The following SGCD variants were observed in gnomAD, a reference collection of about 807,000 sequenced individuals.
The protein encoded by SGCD is delta-sarcoglycan.
A neutral mutation model predicts 36.6 loss-of-function variants in SGCD; 18 were observed. The ratio of observed to expected loss-of-function variants is 0.49; its 90% CI spans 0.34 to 0.73. The LOEUF is 0.73. SGCD is among the 30% of genes least tolerant of loss of function. The pLI, the probability that SGCD is intolerant of heterozygous loss-of-function variation, is 0.01. For synonymous variants in SGCD, 133 were observed against 130.6 expected (o/e 1.02, Z -0.12); for missense variants, 387 against 346.7 (o/e 1.12, Z -0.92).
At chr5:156,015,574 A>G (rs1328341390) in intron 1 of SGCD, among the ~76,000 whole-genome samples, 1 of 151,946 alleles carries the variant, frequency 6.6e-6, no homozygotes, top group African/African-American at 2.4e-5. Context: ...TACCAGACAG[A>G]AAAAGGGTGC....
chr5:156,022,741 A>G (rs1759134133), intron 1 of SGCD, among the ~76,000 whole-genome samples: 1 of 152,062 alleles, frequency 6.6e-6, no homozygotes, highest in African/African-American at 2.4e-5. Context: ...TACAATATTC[A>G]TTGTCATTTT....
chr5:156,676,897 A>G (rs1403915639), intron 7 of SGCD, among the ~76,000 whole-genome samples: 1 of 152,228 alleles, frequency 6.6e-6, no homozygotes, highest in Non-Finnish European at 1.5e-5. Context: ...TGAGCAAGAC[A>G]GATGTGGTCC....
At chr5:156,077,723 A>G (rs180812272) in intron 1 of SGCD, among the ~76,000 whole-genome samples, 1 of 152,200 alleles carries the variant, frequency 6.6e-6, no homozygotes, top group Admixed American at 6.5e-5. Flanking sequence ...ACCCCTAGAT[A>G]ATCTCTCCTT....
chr5:156,422,076 C>T (rs1773334654), intron 3 of SGCD, among the ~76,000 whole-genome samples: 1 of 152,032 alleles, frequency 6.6e-6, no homozygotes, highest in African/African-American at 2.4e-5. Context: ...CACCCAGTAG[C>T]CAGGGTTGAT....
chr5:156,423,926 G>A (rs913828040), intron 3 of SGCD, among the ~76,000 whole-genome samples: 8 of 151,848 alleles, frequency 5.3e-5, no homozygotes, highest in Admixed American at 1.3e-4. Context: ...AACTATTATC[G>A]TCATCATCAT....
the SGCD span, among the ~76,000 whole-genome samples, chr5:155,748,474 C>T: frequency 6.6e-6 from 1 of 152,078 alleles, no homozygotes; most frequent in African/African-American, 2.4e-5. Context: ...AATTTTAGCA[C>T]ACATCAGAAT....
intron 3 of SGCD, among the ~76,000 whole-genome samples, chr5:156,219,814 T>C (rs966176933): frequency 6.6e-6 from 1 of 152,218 alleles, no homozygotes; most frequent in Non-Finnish European, 1.5e-5. Context: ...TGCTTCTGTG[T>C]AGCATTCAAA....
intron 4 of SGCD, among the ~76,000 whole-genome samples, chr5:156,569,643 A>G (rs1759638763): frequency 6.6e-6 from 1 of 152,040 alleles, no homozygotes; most frequent in Non-Finnish European, 1.5e-5. Flanking sequence ...CTTATAATAA[A>G]ATTCTAAGCC....
intron 1 of SGCD, among the ~76,000 whole-genome samples, chr5:155,941,936 G>A (rs553440118): frequency 6.6e-6 from 1 of 152,216 alleles, no homozygotes; most frequent in South Asian, 2.1e-4. Flanking sequence ...GAAGTAAAAG[G>A]CCTCCTAGTG....
At chr5:156,394,719 C>T (rs1010766344) in intron 3 of SGCD, among the ~76,000 whole-genome samples, 12 of 152,076 alleles carry the variant, frequency 7.9e-5, no homozygotes, top group African/African-American at 2.7e-4. Context: ...GAAATTAAAA[C>T]GTTTGTGTTT....
intron 3 of SGCD, among the ~76,000 whole-genome samples, chr5:156,279,673 A>AT (rs1766400492): frequency 2.0e-5 from 3 of 151,998 alleles, no homozygotes; most frequent in South Asian, 4.1e-4. Context: ...TCCTCGAGGC[A>AT]TTTTTTCTCT....
intron 3 of SGCD, among the ~76,000 whole-genome samples, chr5:156,482,795 G>A (rs558746986): frequency 7.8e-6 from 1 of 127,756 alleles, no homozygotes; most frequent in South Asian, 2.8e-4. Context: ...AGAGCAGGTA[G>A]TATTATCCTT....
intron 3 of SGCD, among the ~76,000 whole-genome samples, chr5:156,217,823 A>G (rs1764611511): frequency 6.6e-6 from 1 of 152,200 alleles, no homozygotes. Flanking sequence ...GTATATATAT[A>G]TACACACACA....
At chr5:156,326,577 A>G (rs1209842012), upstream of SGCD, among the ~76,000 whole-genome samples, 1 of 152,230 alleles carries the variant, frequency 6.6e-6, no homozygotes, top group Admixed American at 6.5e-5. Flanking sequence ...CCCTCAAGCA[A>G]TTGAAATTTT....
At position 156,087,861 on chromosome 5, in the gene SGCD, T is replaced by C. The variant is rs189120844; in HGVS notation, c.-281-30017T>C. 2.0e-3 allele frequency among the ~76,000 whole-genome samples: 302 copies of C among 152,286 alleles called. 1 individual carries two copies. The highest frequency in any genetic ancestry group is 6.9e-3 in the African/African-American group (286 of 41,562). On this transcript the variant is annotated intron_variant, in intron 1 of 9. Transcript: ENST00000517913. ...CAGCGAAAAATGTACTTGGTTCATC[T>C]TTTAACCATGTGAGGAAGATTAGCG... is the stretch of plus-strand genomic sequence containing the variant.
intron 1 of SGCD, among the ~76,000 whole-genome samples, chr5:156,098,639 T>TAC (rs35247485): frequency 0.21 from 31,508 of 149,268 alleles, 3,392 homozygotes; most frequent in Middle Eastern, 0.26. Flanking sequence ...TGCATGTGTA[T>TAC]ACACACACAC....
At chr5:155,842,290 A>G in the SGCD span, among the ~76,000 whole-genome samples, 2 of 143,930 alleles carry the variant, frequency 1.4e-5, no homozygotes, top group African/African-American at 5.3e-5. Context: ...AAGATAACTG[A>G]CTGGCTGGGC....
chr5:156,503,047 G>A (rs908841703), intron 3 of SGCD, among the ~76,000 whole-genome samples: 2 of 152,192 alleles, frequency 1.3e-5, no homozygotes, highest in African/African-American at 4.8e-5. Context: ...AAATGATGGG[G>A]ATTTGGCATG....
chr5:155,987,232 G>A (rs1004645703), intron 1 of SGCD, among the ~76,000 whole-genome samples: 5 of 152,098 alleles, frequency 3.3e-5, no homozygotes, highest in African/African-American at 4.8e-5. Context: ...TCAGGTAATG[G>A]CATTTAATAG....
Sources: allele counts gnomAD v4.1 joint callset (sites outside exome capture counted in the v4.1 genomes callset), GRCh38; gene constraint gnomAD v4.1.1; transcripts MANE v1.5; gene names NCBI Gene and HGNC (gene_info 2026-07-23, HGNC 2026-07-21).